Variants in RBFOX1 observed in about 807,000 individuals in gnomAD.
RBFOX1 encodes RNA binding fox-1 homolog 1.
In RBFOX1, 8 loss-of-function variants were observed where a neutral mutation model predicts 57.7. That is an observed-to-expected ratio of 0.14 (90% CI 0.08 to 0.25). The LOEUF (loss-of-function observed/expected upper bound fraction) is 0.25, where lower values mean the gene tolerates loss of function less well. Among genes scored for constraint, RBFOX1 ranks in the 10% least tolerant of loss-of-function variants. The probability of loss-of-function intolerance (pLI) is 1.00; values close to 1 mark genes in which losing one functional copy is unlikely to be tolerated. For missense variants in RBFOX1, 611 were observed against 548.5 expected, an observed-to-expected ratio of 1.11 and a Z score of -1.14; for synonymous variants, 326 against 222.4, an observed-to-expected ratio of 1.47 and a Z score of -4.15.
intron 4 of RBFOX1, among the ~76,000 whole-genome samples, chr16:7,388,501 A>C (rs554851177): frequency 6.6e-6 from 1 of 152,112 alleles, no homozygotes; most frequent in African/African-American, 2.4e-5. Context: ...TGCCCGGGAT[A>C]ACTTGTTTCA....
chr16:5,786,122 A>C (rs951844408), intron 3 of RBFOX1, among the ~76,000 whole-genome samples: 3 of 152,168 alleles, frequency 2.0e-5, no homozygotes, highest in Middle Eastern at 3.2e-3. Context: ...TTGGTGATTC[A>C]GACTTTGCTT....
rs543390852 is a variant in RBFOX1, at chr16:5,741,657, A to G, written c.319-125646A>G. On this transcript the variant is annotated intron_variant, in intron 3 of 19. Transcript: ENST00000641259. ...TTATTGCGACACATATATCACCATT[A>G]CATCAGACATTTATGGCTCCATTAA... 1.4e-4 allele frequency among the ~76,000 whole-genome samples: 22 copies of G among 152,376 alleles called. 1 individual carries two copies. The highest frequency in any genetic ancestry group is 2.9e-5 in the Non-Finnish European group (2 of 68,044).
intron 1 of RBFOX1, among the ~76,000 whole-genome samples, chr16:5,410,830 G>A (rs1470900030): frequency 6.6e-6 from 1 of 152,216 alleles, no homozygotes; most frequent in African/African-American, 2.4e-5. Context: ...AGTACTTGAA[G>A]CTAGACATCA....
At chr16:7,626,596 G>C (rs2060110012) in intron 10 of RBFOX1, among the ~76,000 whole-genome samples, 2 of 152,146 alleles carry the variant, frequency 1.3e-5, no homozygotes, top group Admixed American at 1.3e-4. Flanking sequence ...AGGCTGCGCA[G>C]GTTTCTTGTT....
At chr16:6,743,200 G>A (rs28837093) in intron 3 of RBFOX1, among the ~76,000 whole-genome samples, 29 of 151,964 alleles carry the variant, frequency 1.9e-4, no homozygotes, top group African/African-American at 7.0e-4. Context: ...TAGCTAATAA[G>A]CCAGCAAAGG....
intron 4 of RBFOX1, among the ~76,000 whole-genome samples, chr16:7,082,594 G>T (rs2059373696): frequency 6.6e-6 from 1 of 151,890 alleles, no homozygotes; most frequent in Admixed American, 6.6e-5. Context: ...AAAAAAGAAG[G>T]TTTCAGCACT....
At chr16:5,556,529 A>G (rs1016207551) in intron 2 of RBFOX1, among the ~76,000 whole-genome samples, 5 of 152,184 alleles carry the variant, frequency 3.3e-5, no homozygotes, top group African/African-American at 4.8e-5. Flanking sequence ...CTTGTTGGTA[A>G]GTAGGAAGTG....
At chr16:6,977,583 C>T (rs2087388454) in intron 3 of RBFOX1, among the ~76,000 whole-genome samples, 1 of 152,054 alleles carries the variant, frequency 6.6e-6, no homozygotes, top group African/African-American at 2.4e-5. Flanking sequence ...TGGTTCCTAA[C>T]TCAGGACAGA....
At chr16:7,453,391 T>TG (rs1356221680) in intron 4 of RBFOX1, among the ~76,000 whole-genome samples, 1 of 151,904 alleles carries the variant, frequency 6.6e-6, no homozygotes, top group Non-Finnish European at 1.5e-5. Flanking sequence ...CCAAGTCAGG[T>TG]GGGGATAAGT....
chr16:7,030,257 T>C (rs2042447852), intron 3 of RBFOX1, among the ~76,000 whole-genome samples: 1 of 152,076 alleles, frequency 6.6e-6, no homozygotes, highest in African/African-American at 2.4e-5. Flanking sequence ...TGGAGTGGAG[T>C]GCCTCTGTTT....
chr16:7,114,834 A>T (rs1472827278), intron 4 of RBFOX1, among the ~76,000 whole-genome samples: 1 of 152,160 alleles, frequency 6.6e-6, no homozygotes, highest in African/African-American at 2.4e-5. Context: ...GGTTTTCATG[A>T]AGCCAAATCG....
intron 4 of RBFOX1, among the ~76,000 whole-genome samples, chr16:7,375,086 TCTG>T (rs1386792906): frequency 6.6e-6 from 1 of 152,240 alleles, no homozygotes; most frequent in Non-Finnish European, 1.5e-5. Flanking sequence ...ATTTTTTATT[TCTG>T]CTATGTTTCA....
At chr16:5,926,403 T>A (rs1212124616) in intron 4 of RBFOX1, among the ~76,000 whole-genome samples, 1 of 151,986 alleles carries the variant, frequency 6.6e-6, no homozygotes, top group East Asian at 1.9e-4. Context: ...GTGGTGAAAT[T>A]TGGAGTTGTT....
chr16:6,299,858 C>G (rs749403432), intron 1 of RBFOX1, among the ~76,000 whole-genome samples: 2 of 152,150 alleles, frequency 1.3e-5, no homozygotes, highest in Non-Finnish European at 2.9e-5. Context: ...AAACACCAAC[C>G]TCAGATGGCT....
At chr16:6,847,075 C>A (rs187344886) in intron 3 of RBFOX1, among the ~76,000 whole-genome samples, 44 of 152,260 alleles carry the variant, frequency 2.9e-4, no homozygotes, top group Non-Finnish European at 3.7e-4. Flanking sequence ...AGTGAAGCAT[C>A]TTTCCTTCCC....
chr16:6,361,532 G>A (rs796522372), intron 2 of RBFOX1, among the ~76,000 whole-genome samples: 4 of 151,932 alleles, frequency 2.6e-5, no homozygotes, highest in African/African-American at 7.2e-5. Context: ...GGAGGCTGAG[G>A]CAGAAGAATC....
chr16:7,419,537 T>A (rs918703852), intron 4 of RBFOX1, among the ~76,000 whole-genome samples: 2 of 152,222 alleles, frequency 1.3e-5, no homozygotes, highest in African/African-American at 4.8e-5. Flanking sequence ...ATAATACATC[T>A]GATTACCATG....
In RBFOX1 at chr16:6,688,879, C is replaced by T. The variant is rs144209340; in HGVS notation, c.-16+34229C>T. 3.5e-3 allele frequency among the ~76,000 whole-genome samples: 529 copies of T among 152,244 alleles called. 2 individuals carry two copies. Among genetic ancestry groups the T allele is most frequent in the African/African-American group, 0.012 (513 of 41,542 alleles). On this transcript the variant is annotated intron_variant, in intron 3 of 15. Coordinates refer to ENST00000550418, the MANE Select transcript of RBFOX1 (RefSeq NM_018723.4). ...TTCAACTCCCACTTATGAGGGAGAA[C>T]ATGCAGTACTTGGTTTTCTGTTCCT...
intron 3 of RBFOX1, among the ~76,000 whole-genome samples, chr16:6,839,818 G>A (rs2093357779): frequency 6.6e-6 from 1 of 152,180 alleles, no homozygotes; most frequent in Non-Finnish European, 1.5e-5. Flanking sequence ...AGCACTTCGT[G>A]TACTCATAGC....
Sources: allele counts gnomAD v4.1 joint callset (sites outside exome capture counted in the v4.1 genomes callset), GRCh38; gene constraint gnomAD v4.1.1; transcripts MANE v1.5; gene names NCBI Gene and HGNC (gene_info 2026-07-23, HGNC 2026-07-21).